The following PRDM11 variants were observed in gnomAD, a reference collection of about 807,000 sequenced individuals.
The protein encoded by PRDM11 is PR domain-containing protein 11.
A neutral mutation model predicts 97.8 loss-of-function variants in PRDM11; 20 were observed. The observed-to-expected ratio is 0.20, with a 90% CI of 0.14 to 0.30. The LOEUF (loss-of-function observed/expected upper bound fraction) is 0.30. Among genes scored for constraint, PRDM11 ranks in the 10% least tolerant of loss-of-function variants. The pLI is 1.00. For synonymous variants in PRDM11, 599 were observed against 637.7 expected (o/e 0.94, Z 0.91); for missense variants, 1,139 against 1,555.2 (o/e 0.73, Z 4.50).
At chr11:45,117,253 C>T (rs961574931) in intron 1 of PRDM11, among the ~76,000 whole-genome samples, 9 of 149,024 alleles carry the variant, frequency 6.0e-5, no homozygotes, top group Admixed American at 4.0e-4. Context: ...AAAAAGAGTT[C>T]CCAGTGGCCA....
intron 4 of PRDM11, among the ~76,000 whole-genome samples, chr11:45,189,024 C>T (rs1209242855): frequency 1.3e-5 from 2 of 152,204 alleles, no homozygotes; most frequent in Non-Finnish European, 2.9e-5. Context: ...GCCTCAGCCT[C>T]CCTAGTAGCT....
intron 1 of PRDM11, among the ~76,000 whole-genome samples, chr11:45,100,234 C>T (rs1851950186): frequency 6.6e-6 from 1 of 152,178 alleles, no homozygotes; most frequent in Non-Finnish European, 1.5e-5. Context: ...CTCAGCCATA[C>T]TGATTCGCTA....
At chr11:45,116,174 A>G (rs997846060) in intron 1 of PRDM11, among the ~76,000 whole-genome samples, 3 of 152,186 alleles carry the variant, frequency 2.0e-5, no homozygotes, top group African/African-American at 7.2e-5. Flanking sequence ...GGAGAAATAG[A>G]CAAAATGTAC....
At chr11:45,203,983 C>A (rs749120046) in intron 4 of PRDM11, among the ~76,000 whole-genome samples, 3 of 152,166 alleles carry the variant, frequency 2.0e-5, no homozygotes, top group Non-Finnish European at 4.4e-5. Flanking sequence ...AACCACATAG[C>A]AAAACTGCAG....
intron 1 of PRDM11, among the ~76,000 whole-genome samples, chr11:45,168,838 C>T (rs1039603130): frequency 3.9e-5 from 6 of 152,234 alleles, no homozygotes; most frequent in South Asian, 2.1e-4. Context: ...TCTTCCCAGC[C>T]GCCACTTTGC....
intron 1 of PRDM11, among the ~76,000 whole-genome samples, chr11:45,120,782 A>G (rs1196643446): frequency 6.6e-6 from 1 of 152,164 alleles, no homozygotes; most frequent in East Asian, 1.9e-4. Flanking sequence ...ATGTAGGTAA[A>G]CATAAAACAA....
At chr11:45,182,132 C>G in intron 2 of PRDM11, 114 bp from the exon 3 acceptor site, 10 of 925,682 alleles carry the variant, frequency 1.1e-5, no homozygotes, top group Non-Finnish European at 1.2e-5. Flanking sequence ...TGGGACTCCT[C>G]TGCCCACCCC....
chr11:45,119,618 TC>T (rs1423281584), intron 1 of PRDM11, among the ~76,000 whole-genome samples: 1 of 41,532 alleles, frequency 2.4e-5, no homozygotes, highest in Non-Finnish European at 3.8e-5. Flanking sequence ...AGATTCTGTC[TC>T]AAAAAAAAAA....
intron 1 of PRDM11, among the ~76,000 whole-genome samples, chr11:45,177,122 G>T (rs1453629657): frequency 6.6e-6 from 1 of 152,218 alleles, no homozygotes; most frequent in Non-Finnish European, 1.5e-5. Flanking sequence ...AACCAAGTGG[G>T]CACAGATCCC....
chr11:45,199,123 A>G (rs1217251329), intron 4 of PRDM11, among the ~76,000 whole-genome samples: 1 of 152,224 alleles, frequency 6.6e-6, no homozygotes, highest in Non-Finnish European at 1.5e-5. Context: ...CACCTGGACC[A>G]TGCTTCGCTC....
rs180965073 is a variant in PRDM11, at chr11:45,165,414, G to C, written c.-6-16347G>C. Among the ~76,000 whole-genome samples the C allele has an allele frequency of 7.9e-4, 120 of 152,364 alleles. 1 individual carries two copies. Among genetic ancestry groups the C allele is most frequent in the Admixed American group, 2.5e-3 (39 of 15,308 alleles). On this transcript the variant is annotated intron_variant, in intron 1 of 7. Coordinates refer to ENST00000683152, the MANE Select transcript of PRDM11 (RefSeq NM_001384648.1). ...CAGAATGGGAGGGACTGGGGGGCTG[G>C]TGAGTCCCCAGCCCAGCACCCTCAT... is the stretch of plus-strand genomic sequence containing the variant.
chr11:45,148,694 A>G (rs571410126), intron 1 of PRDM11, among the ~76,000 whole-genome samples: 105 of 152,238 alleles, frequency 6.9e-4, no homozygotes, highest in African/African-American at 2.5e-3. Context: ...TCTTGGGTTG[A>G]TGTGTTCCAT....
At chr11:45,122,926 C>G (rs1193411124) in intron 1 of PRDM11, among the ~76,000 whole-genome samples, 1 of 151,530 alleles carries the variant, frequency 6.6e-6, no homozygotes, top group Non-Finnish European at 1.5e-5. Flanking sequence ...CACTGACTTT[C>G]ACAATGGTTG....
chr11:45,173,637 A>AG (rs1490170517), intron 1 of PRDM11, among the ~76,000 whole-genome samples: 1 of 151,906 alleles, frequency 6.6e-6, no homozygotes, highest in Non-Finnish European at 1.5e-5. Context: ...AAAAAAAAAA[A>AG]AAAAAGTTCT....
intron 4 of PRDM11, among the ~76,000 whole-genome samples, chr11:45,200,954 A>G (rs562221069): frequency 6.6e-6 from 1 of 152,162 alleles, no homozygotes; most frequent in Non-Finnish European, 1.5e-5. Context: ...TCATGTAAAC[A>G]TGCATAGTGG....
chr11:45,136,523 G>A (rs1852848258), intron 1 of PRDM11, among the ~76,000 whole-genome samples: 1 of 152,118 alleles, frequency 6.6e-6, no homozygotes, highest in African/African-American at 2.4e-5. Context: ...TAGAGAAGAT[G>A]GAATCAAATC....
intron 3 of PRDM11, among the ~76,000 whole-genome samples, chr11:45,182,624 C>T (rs914996926): frequency 2.0e-5 from 3 of 152,218 alleles, no homozygotes; most frequent in African/African-American, 7.2e-5. Context: ...ACTCCAAAGC[C>T]ATGCTCTTTC....
At chr11:45,211,696 G>A (rs1159361676) in intron 5 of PRDM11, among the ~76,000 whole-genome samples, 2 of 152,168 alleles carry the variant, frequency 1.3e-5, no homozygotes, top group Non-Finnish European at 2.9e-5. Context: ...TTCCATATTA[G>A]TAGTCTTTTA....
chr11:45,120,398 A>G (rs945043115), intron 1 of PRDM11, among the ~76,000 whole-genome samples: 18 of 152,192 alleles, frequency 1.2e-4, no homozygotes, highest in Admixed American at 3.3e-4. Flanking sequence ...GGATAGATAC[A>G]ATGTAAAACC....
Sources: allele counts gnomAD v4.1 joint callset (sites outside exome capture counted in the v4.1 genomes callset), GRCh38; gene constraint gnomAD v4.1.1; transcripts MANE v1.5; gene names NCBI Gene and HGNC (gene_info 2026-07-23, HGNC 2026-07-21).